The following MYT1L variants were observed in gnomAD, a reference collection of about 807,000 sequenced individuals.
MYT1L encodes the protein myelin transcription factor 1-like protein.
MYT1L carries 12 observed loss-of-function variants against 126.7 expected under a neutral mutation model. The ratio of observed to expected loss-of-function variants is 0.09; its 90% CI spans 0.06 to 0.15. The LOEUF is 0.15. Ranked by LOEUF, MYT1L falls within the 10% of genes least tolerant of loss-of-function variation. MYT1L has a pLI of 1.00. For missense variants in MYT1L, 979 were observed against 1,585.2 expected (o/e 0.62, Z 6.49); for synonymous variants, 541 against 604.2 (o/e 0.90, Z 1.53).
intron 3 of MYT1L, among the ~76,000 whole-genome samples, chr2:2,160,136 C>T (rs556511188): frequency 7.9e-5 from 12 of 152,248 alleles, no homozygotes; most frequent in East Asian, 1.9e-4. Flanking sequence ...TAGCACATGA[C>T]GATCTTCCAC....
At chr2:2,275,114 C>T (rs2095332930) in intron 2 of MYT1L, among the ~76,000 whole-genome samples, 2 of 151,830 alleles carry the variant, frequency 1.3e-5, no homozygotes, top group Non-Finnish European at 2.9e-5. Context: ...TTGGATGTCA[C>T]CTTGGGCAGA....
At chr2:2,189,961 T>A (rs1241302697) in intron 2 of MYT1L, among the ~76,000 whole-genome samples, 1 of 152,048 alleles carries the variant, frequency 6.6e-6, no homozygotes, top group African/African-American at 2.4e-5. Flanking sequence ...CACAGTTCCT[T>A]CTTTGTGTGC....
chr2:2,012,614 T>C (rs192119315), intron 4 of MYT1L, among the ~76,000 whole-genome samples: 1 of 152,294 alleles, frequency 6.6e-6, no homozygotes, highest in Admixed American at 6.5e-5. Context: ...TCAACAATGG[T>C]CCAAAAATAT....
intron 19 of MYT1L, chr2:1,841,144 A>C (rs536425564): frequency 9.0e-4 from 146 of 161,476 alleles, no homozygotes; most frequent in African/African-American, 3.4e-3. Flanking sequence ...TGACCTCGTG[A>C]TTTGCCCACC....
At chr2:2,164,837 A>C (rs972198478) in intron 3 of MYT1L, among the ~76,000 whole-genome samples, 2 of 152,344 alleles carry the variant, frequency 1.3e-5, no homozygotes, top group South Asian at 4.1e-4. Flanking sequence ...TTCCATGTAC[A>C]CAAGTTTCCA....
chr2:2,081,887 G>A (rs997505039), intron 3 of MYT1L, among the ~76,000 whole-genome samples: 6 of 152,002 alleles, frequency 3.9e-5, no homozygotes, highest in Non-Finnish European at 7.4e-5. Flanking sequence ...TTACAGGTGC[G>A]CGATGCCATG....
intron 8 of MYT1L, among the ~76,000 whole-genome samples, chr2:1,946,016 C>T (rs931764284): frequency 3.3e-5 from 5 of 152,130 alleles, no homozygotes; most frequent in South Asian, 4.1e-4. Flanking sequence ...GGCAGGCAAG[C>T]GAGCGAAGCT....
At chr2:2,061,592 G>A (rs1263801996) in intron 3 of MYT1L, among the ~76,000 whole-genome samples, 1 of 152,126 alleles carries the variant, frequency 6.6e-6, no homozygotes, top group Non-Finnish European at 1.5e-5. Context: ...GGACGCTGAA[G>A]AACTTTGATG....
At chr2:2,236,793 C>T (rs139032259) in intron 2 of MYT1L, among the ~76,000 whole-genome samples, 3 of 15,958 alleles carry the variant, frequency 1.9e-4, no homozygotes, top group Non-Finnish European at 2.9e-4. Flanking sequence ...TCTTCTTCTT[C>T]TTCTTCTTCT....
At position 2,206,264 on chromosome 2, in the gene MYT1L, C is replaced by T. The variant is rs117597251; in HGVS notation, c.-420-33276G>A. 9.1e-3 allele frequency among the ~76,000 whole-genome samples: 1,380 copies of T among 152,222 alleles called. 88 individuals are homozygous for T. The East Asian group carries it at 0.17, about 19-fold the overall frequency. On this transcript the variant is annotated intron_variant, in intron 2 of 24. Transcript: ENST00000647738. ...AAGTGCTGGGATTATAGGCACGAGC[C>T]ACCGTGCCCGGCCAAGCTGTACCAT...
intron 3 of MYT1L, among the ~76,000 whole-genome samples, chr2:2,082,207 G>A (rs2075906927): frequency 6.6e-6 from 1 of 152,168 alleles, no homozygotes; most frequent in Non-Finnish European, 1.5e-5. Context: ...TATATAAAAT[G>A]CTATGGAAAC....
At position 1,889,365 on chromosome 2, in the gene MYT1L, T is replaced by C; in HGVS notation, c.2396A>G (p.Gln799Arg). 1.9e-6 allele frequency: 3 copies of C among 1,613,918 alleles called. No homozygotes were observed. Among genetic ancestry groups the C allele is most frequent in the Non-Finnish European group, 2.5e-6 (3 of 1,179,872 alleles). The part of the protein sequence containing the change: ...ILTPLEPMSP[Q>R]QQAVMNNRCF... Reference sequence around the variant, plus strand: ...CCGGTTGTTCATCACTGCCTGCTGCTGGGGGGACATGGGCTCCAGAGGGGT... The same window carrying C: ...CCGGTTGTTCATCACTGCCTGCTGCCGGGGGGACATGGGCTCCAGAGGGGT... The change falls in exon 16 of 25, where the codon CAG becomes CGG. Residue 799 changes from glutamine to arginine, a missense_variant. This residue lies in a region of MYT1L where 141 missense variants were observed against 170.6 expected (regional missense o/e 0.83). Transcript: ENST00000647738. This position sits in a 1 kb window ranked among gnomAD's most constrained non-coding sequence, Gnocchi z 4.1.
At chr2:2,017,823 T>C (rs2064592600) in intron 4 of MYT1L, among the ~76,000 whole-genome samples, 2 of 152,172 alleles carry the variant, frequency 1.3e-5, no homozygotes. Flanking sequence ...GAATGCTAGG[T>C]TTCTGGGGCA....
At chr2:1,800,756 A>C (rs1489508741) in intron 23 of MYT1L, among the ~76,000 whole-genome samples, 2 of 152,104 alleles carry the variant, frequency 1.3e-5, no homozygotes, top group Non-Finnish European at 2.9e-5. Flanking sequence ...ATCATCACGT[A>C]GATGGCTGGC....
At chr2:2,238,027 C>T (rs1372574919) in intron 2 of MYT1L, among the ~76,000 whole-genome samples, 3 of 152,190 alleles carry the variant, frequency 2.0e-5, no homozygotes, top group Admixed American at 2.0e-4. Context: ...CGTTATGATT[C>T]CTCCATAATG....
chr2:1,833,286 T>C (rs2040428906), intron 21 of MYT1L, among the ~76,000 whole-genome samples: 3 of 152,178 alleles, frequency 2.0e-5, no homozygotes, highest in Non-Finnish European at 1.5e-5. Context: ...GAGTGTTAGG[T>C]CTTACTCACC....
rs138853486 is a variant in MYT1L, at chr2:1,929,438, C to T, written c.506-6175G>A. 2.7e-4 allele frequency among the ~76,000 whole-genome samples: 41 copies of T among 152,318 alleles called. 1 individual carries two copies. The East Asian group carries it at 6.8e-3, about 25-fold the overall frequency. ...GGTGAAAGGGGAACATGGAGGGTGA[C>T]GCGGCATTGACAGTGGGATGCACGT... On this transcript the variant is annotated intron_variant, in intron 9 of 24. Coordinates refer to ENST00000647738, the MANE Select transcript of MYT1L (RefSeq NM_001303052.2). The surrounding 1 kb of genome is among the most constrained non-coding windows in gnomAD (Gnocchi z 4.7).
chr2:1,897,239 T>A (rs543737826), intron 14 of MYT1L, among the ~76,000 whole-genome samples: 2 of 152,310 alleles, frequency 1.3e-5, no homozygotes, highest in South Asian at 4.1e-4. Flanking sequence ...TCCCTATTTG[T>A]AAAATGTCAG....
At chr2:1,913,478 G>A (rs2052353613) in intron 11 of MYT1L, among the ~76,000 whole-genome samples, 1 of 152,114 alleles carries the variant, frequency 6.6e-6, no homozygotes, top group African/African-American at 2.4e-5. Flanking sequence ...AGGAAGAAGT[G>A]CTGCTCCTCC....
Sources: allele counts gnomAD v4.1 joint callset (sites outside exome capture counted in the v4.1 genomes callset), GRCh38; gene constraint gnomAD v4.1.1; regional missense constraint gnomAD v4.1.1; non-coding constraint Gnocchi (gnomAD v3.1); transcripts MANE v1.5; gene names NCBI Gene and HGNC (gene_info 2026-07-23, HGNC 2026-07-21).